Variants in PRKG1 observed in about 807,000 individuals in gnomAD.
The protein encoded by PRKG1 is cGMP-dependent protein kinase 1.
In PRKG1, 35 loss-of-function variants were observed where a neutral mutation model predicts 88.1. The ratio of observed to expected loss-of-function variants is 0.40; its 90% CI spans 0.30 to 0.53. PRKG1 has a LOEUF of 0.53. PRKG1 is among the 20% of genes least tolerant of loss of function. PRKG1 has a pLI of 0.59. For missense variants in PRKG1, 540 were observed against 839.8 expected (o/e 0.64, Z 4.41); for synonymous variants, 303 against 292.5 (o/e 1.04, Z -0.37).
At chr10:51,432,424 C>A (rs1206009273) in intron 2 of PRKG1, among the ~76,000 whole-genome samples, 1 of 151,332 alleles carries the variant, frequency 6.6e-6, no homozygotes, top group Non-Finnish European at 1.5e-5. Flanking sequence ...ATAAAAAAAA[C>A]AAAAAACACA....
chr10:51,842,083 T>C (rs1010966620), intron 4 of PRKG1, among the ~76,000 whole-genome samples: 1 of 152,206 alleles, frequency 6.6e-6, no homozygotes, highest in African/African-American at 2.4e-5. Flanking sequence ...ACAGATGGGA[T>C]GTTGGTCAGT....
chr10:51,765,500 A>G (rs1838134633), intron 3 of PRKG1, among the ~76,000 whole-genome samples: 3 of 152,176 alleles, frequency 2.0e-5, no homozygotes, highest in African/African-American at 7.2e-5. Context: ...GCTGCTTACT[A>G]CAGTCTCTCT....
rs529874058 is a variant in PRKG1, at chr10:51,278,920, AT to A, written c.478+125597del. Among the ~76,000 whole-genome samples the A allele has an allele frequency of 7.5e-3, 1,135 of 151,970 alleles. 10 individuals are homozygous for A. The highest frequency in any genetic ancestry group is 0.026 in the African/African-American group (1,059 of 41,458). The stretch of plus-strand genomic sequence containing the variant: ...AAAAAACCAGCTCCTGGATTCATTG[AT>A]TTTTTTGAAGGGTTTTTTGTGTCTC... On this transcript the variant is annotated intron_variant, in intron 2 of 17. Coordinates refer to ENST00000373980, the MANE Select transcript of PRKG1 (RefSeq NM_006258.4).
chr10:51,517,714 A>T (rs983194584), intron 3 of PRKG1, among the ~76,000 whole-genome samples: 1 of 152,174 alleles, frequency 6.6e-6, no homozygotes, highest in South Asian at 2.1e-4. Flanking sequence ...TGGCATGCCT[A>T]ATAATATTTT....
At chr10:51,811,992 T>C (rs1300823826) in intron 4 of PRKG1, among the ~76,000 whole-genome samples, 1 of 152,198 alleles carries the variant, frequency 6.6e-6, no homozygotes, top group Admixed American at 6.5e-5. Context: ...GTATGACTTA[T>C]TAATATGAAG....
intron 5 of PRKG1, among the ~76,000 whole-genome samples, chr10:52,003,075 T>C (rs1844641168): frequency 6.6e-6 from 1 of 152,208 alleles, no homozygotes; most frequent in Non-Finnish European, 1.5e-5. Context: ...TGCATGGTGT[T>C]TAAGCCTGCA....
At chr10:51,199,193 G>C (rs931735358) in intron 2 of PRKG1, among the ~76,000 whole-genome samples, 1 of 152,136 alleles carries the variant, frequency 6.6e-6, no homozygotes, top group African/African-American at 2.4e-5. Context: ...TGGGAGGGGA[G>C]GTATCAGTCT....
At chr10:51,587,250 T>C (rs1482749753) in intron 3 of PRKG1, among the ~76,000 whole-genome samples, 1 of 152,068 alleles carries the variant, frequency 6.6e-6, no homozygotes, top group Admixed American at 6.6e-5. Flanking sequence ...ATATTAATAG[T>C]AGTAATAATG....
intron 3 of PRKG1, among the ~76,000 whole-genome samples, chr10:51,804,231 G>A (rs1839246790): frequency 6.6e-6 from 1 of 151,972 alleles, no homozygotes; most frequent in Admixed American, 6.6e-5. Flanking sequence ...ATTATTACTT[G>A]TGAACCTCTT....
intron 9 of PRKG1, among the ~76,000 whole-genome samples, chr10:52,240,340 C>A (rs1840826756): frequency 6.6e-6 from 1 of 152,094 alleles, no homozygotes; most frequent in African/African-American, 2.4e-5. Flanking sequence ...AATTGAGGGA[C>A]ATTCTACAAA....
intron 12 of PRKG1, 65 bp from the exon 13 acceptor site, chr10:52,280,724 A>T: frequency 2.6e-6 from 4 of 1,541,144 alleles, no homozygotes; most frequent in Non-Finnish European, 3.5e-6. Flanking sequence ...ATGAGAAAAA[A>T]AAAATAAAGC....
intron 4 of PRKG1, among the ~76,000 whole-genome samples, chr10:51,870,966 G>A (rs1198728181): frequency 6.6e-6 from 1 of 152,062 alleles, no homozygotes; most frequent in East Asian, 1.9e-4. Context: ...CACCCCCTAG[G>A]CAAGCTGAAC....
chr10:51,021,667 C>G (rs982015709), intron 1 of PRKG1, among the ~76,000 whole-genome samples: 1 of 151,938 alleles, frequency 6.6e-6, no homozygotes, highest in Non-Finnish European at 1.5e-5. Flanking sequence ...AAATAAAAAG[C>G]CTAGTTCTTT....
intron 3 of PRKG1, among the ~76,000 whole-genome samples, chr10:51,549,717 G>A (rs958766143): frequency 3.9e-5 from 6 of 152,018 alleles, no homozygotes; most frequent in African/African-American, 1.2e-4. Context: ...TTCTCTATTT[G>A]GATTATGAAG....
intron 2 of PRKG1, among the ~76,000 whole-genome samples, chr10:51,435,533 A>G (rs2132734808): frequency 6.6e-6 from 1 of 151,360 alleles, no homozygotes; most frequent in South Asian, 2.1e-4. Flanking sequence ...TGCCCCATGG[A>G]CTTTATGTGC....
intron 4 of PRKG1, among the ~76,000 whole-genome samples, chr10:51,852,226 T>TATATATATATATATATATAC (rs1403355117): frequency 1.3e-4 from 20 of 149,364 alleles, no homozygotes; most frequent in African/African-American, 4.4e-4. Context: ...TATATATATA[T>TATATATATATATATATATAC]ATACACACAC....
At chr10:51,373,157 A>G (rs1184326199) in intron 2 of PRKG1, among the ~76,000 whole-genome samples, 2 of 152,230 alleles carry the variant, frequency 1.3e-5, no homozygotes, top group Non-Finnish European at 2.9e-5. Flanking sequence ...TAGAGATTCT[A>G]GACTTCCTAC....
At chr10:51,181,224 ATTTTTTTTTTT>A (rs1223588085) in intron 2 of PRKG1, among the ~76,000 whole-genome samples, 13 of 78,288 alleles carry the variant, frequency 1.7e-4, no homozygotes, top group East Asian at 3.8e-4. Context: ...ATTATATAGA[ATTTTTTTTTTT>A]TTTTTTTTTT....
At chr10:52,198,590 T>G (rs565709051) in intron 9 of PRKG1, among the ~76,000 whole-genome samples, 1 of 152,220 alleles carries the variant, frequency 6.6e-6, no homozygotes, top group East Asian at 1.9e-4. Context: ...AAATGGGTGG[T>G]TTAAAATAAC....
Sources: allele counts gnomAD v4.1 joint callset (sites outside exome capture counted in the v4.1 genomes callset), GRCh38; gene constraint gnomAD v4.1.1; transcripts MANE v1.5; gene names NCBI Gene and HGNC (gene_info 2026-07-23, HGNC 2026-07-21).